The following RTL9 variants were observed in gnomAD, a reference collection of about 807,000 sequenced individuals.
RTL9 encodes retrotransposon Gag-like protein 9.
A neutral mutation model predicts 44.7 loss-of-function variants in RTL9; 19 were observed. The observed-to-expected ratio is 0.42, with a 90% CI of 0.30 to 0.62. The LOEUF (loss-of-function observed/expected upper bound fraction) is 0.62. Among genes scored for constraint, RTL9 ranks in the 20% least tolerant of loss-of-function variants. The pLI, the probability that RTL9 is intolerant of heterozygous loss-of-function variation, is 0.16. For missense variants in RTL9, 1,105 were observed against 1,080.6 expected, an observed-to-expected ratio of 1.02 and a Z score of -0.32; for synonymous variants, 407 against 398.9, an observed-to-expected ratio of 1.02 and a Z score of -0.24.
intron 1 of RTL9, among the ~76,000 whole-genome samples, chrX:110,363,457 A>G (rs1410258284): frequency 1.8e-5 from 2 of 111,905 alleles, no homozygotes; most frequent in Non-Finnish European, 3.8e-5. Context: ...GGACCTCCCT[A>G]TGTGTCATTA....
intron 1 of RTL9, 149 bp from the exon 4 acceptor site, chrX:110,455,053 G>T (rs1460761882): frequency 1.1e-5 from 8 of 750,380 alleles, no homozygotes; most frequent in African/African-American, 2.1e-5. Flanking sequence ...TAGGGAATTA[G>T]AATAGCCTAC....
chrX:110,385,231 G>C (rs745579296), intron 1 of RTL9, among the ~76,000 whole-genome samples: 1 of 111,430 alleles, frequency 9.0e-6, no homozygotes, highest in South Asian at 3.9e-4. Flanking sequence ...CTACCTCTTA[G>C]GGTTTTGTGA....
chrX:110,456,327 A>G (rs1213143785), downstream of RTL9: 2 of 112,839 alleles, frequency 1.8e-5, no homozygotes, highest in Middle Eastern at 4.6e-3. Flanking sequence ...TTCATTTATG[A>G]AAAAAGAGTT....
chrX:110,388,157 G>T (rs1189198713), intron 1 of RTL9, among the ~76,000 whole-genome samples: 2 of 111,445 alleles, frequency 1.8e-5, no homozygotes, highest in African/African-American at 6.5e-5. Flanking sequence ...GTGAGCCACC[G>T]CCCAGCCTGA....
intron 1 of RTL9, among the ~76,000 whole-genome samples, chrX:110,439,739 G>A (rs895995928): frequency 1.8e-5 from 2 of 110,617 alleles, no homozygotes; most frequent in African/African-American, 3.3e-5. Flanking sequence ...AAGCAGTTTC[G>A]GGCGAAGGGG....
At chrX:110,424,045 T>C (rs2068737417) in intron 1 of RTL9, among the ~76,000 whole-genome samples, 1 of 111,964 alleles carries the variant, frequency 8.9e-6, no homozygotes, top group Non-Finnish European at 1.9e-5. Context: ...TTATATACCA[T>C]ATCTTATTTC....
exon 1 of RTL9, chrX:110,450,930 A>G (rs373390845): frequency 3.3e-6 from 4 of 1,211,887 alleles, no homozygotes; most frequent in Non-Finnish European, 4.5e-6. Context: ...CCCATTGCTA[A>G]TGCCAGCCTC....
intron 1 of RTL9, among the ~76,000 whole-genome samples, chrX:110,442,247 C>CTCTCTCTCTCTCTGTGTG (rs1556214261): frequency 1.0e-5 from 1 of 97,036 alleles, no homozygotes. Context: ...CTCTCTCTCT[C>CTCTCTCTCTCTCTGTGTG]TGTGTGTGTG....
intron 1 of RTL9, among the ~76,000 whole-genome samples, chrX:110,393,375 G>A (rs1163784445): frequency 8.9e-6 from 1 of 111,992 alleles, no homozygotes; most frequent in Non-Finnish European, 1.9e-5. Context: ...TATGTACCAG[G>A]TGCTTTATTT....
chrX:110,393,527 C>T (rs1319311577), intron 1 of RTL9, among the ~76,000 whole-genome samples: 3 of 111,550 alleles, frequency 2.7e-5, no homozygotes, highest in Non-Finnish European at 5.7e-5. Context: ...CTCCAAGTCC[C>T]TCTGTCCCTC....
At chrX:110,453,100 C>G in exon 1 of RTL9, 1 of 1,211,691 alleles carries the variant, frequency 8.3e-7, no homozygotes, top group Non-Finnish European at 1.1e-6. Flanking sequence ...GCCACAGCCT[C>G]TGGAATGATG....
intron 1 of RTL9, among the ~76,000 whole-genome samples, chrX:110,402,970 G>A (rs1028111571): frequency 1.2e-4 from 13 of 112,088 alleles, no homozygotes; most frequent in Admixed American, 2.8e-4. Flanking sequence ...TAGCCCCTAC[G>A]TGAAGCTGCT....
intron 1 of RTL9, among the ~76,000 whole-genome samples, chrX:110,427,969 C>T (rs2068766615): frequency 8.9e-6 from 1 of 111,895 alleles, no homozygotes; most frequent in Admixed American, 9.4e-5. Flanking sequence ...GAACAGTTTT[C>T]CCCGCCTGTC....
chrX:110,420,743 C>G (rs921603780), intron 1 of RTL9, among the ~76,000 whole-genome samples: 1 of 111,792 alleles, frequency 8.9e-6, no homozygotes, highest in Admixed American at 9.5e-5. Context: ...CAGTGCTGCA[C>G]CACATTTTCC....
chrX:110,380,474 A>G (rs1490731619), intron 1 of RTL9, among the ~76,000 whole-genome samples: 2 of 112,424 alleles, frequency 1.8e-5, no homozygotes, highest in Non-Finnish European at 3.8e-5. Context: ...AAAACATTCC[A>G]CACTCATTAA....
intron 1 of RTL9, among the ~76,000 whole-genome samples, chrX:110,400,012 C>A (rs948876377): frequency 9.1e-5 from 10 of 110,444 alleles, no homozygotes; most frequent in African/African-American, 3.3e-4. Context: ...TTCATTATAG[C>A]AATTCAACAT....
In RTL9 at chrX:110,455,193, C is replaced by T. The variant is rs2068973320; in HGVS notation, c.4048-9C>T. ...GCTCTTACCTCTGTTGTCTTTTTCT[C>T]ACTCCCAGCACCAGCATGTTTCCAA... On this transcript the variant is annotated splice_polypyrimidine_tract_variant and intron_variant, in intron 1 of 1. Coordinates refer to ENST00000540313, the Ensembl canonical transcript of RTL9. 8.3e-7 allele frequency: 1 copy of T among 1,206,581 alleles called. No homozygotes were observed. Among genetic ancestry groups the T allele is most frequent in the Admixed American group, 2.2e-5 (1 of 45,361 alleles).
chrX:110,366,000 G>A (rs1169529323), intron 1 of RTL9, among the ~76,000 whole-genome samples: 4 of 111,608 alleles, frequency 3.6e-5, no homozygotes, highest in Non-Finnish European at 1.9e-5. Context: ...TTGGCTTTAG[G>A]GGAACTAGAT....
chrX:110,425,876 C>T (rs1387999462), intron 1 of RTL9, among the ~76,000 whole-genome samples: 1 of 112,506 alleles, frequency 8.9e-6, no homozygotes, highest in Non-Finnish European at 1.9e-5. Flanking sequence ...AATGAATAGA[C>T]AAATGTATTC....
Sources: allele counts gnomAD v4.1 joint callset (sites outside exome capture counted in the v4.1 genomes callset), GRCh38; gene constraint gnomAD v4.1.1; transcripts MANE v1.5; gene names NCBI Gene and HGNC (gene_info 2026-07-23, HGNC 2026-07-21).